The following BRCA2 variants were observed in gnomAD, a reference collection of about 807,000 sequenced individuals.
BRCA2 encodes the protein breast cancer type 2 susceptibility protein.
BRCA2 carries 203 observed loss-of-function variants against 276.7 expected under a neutral mutation model. The observed-to-expected ratio is 0.73, with a 90% CI of 0.65 to 0.82. BRCA2 has a LOEUF of 0.82. Ranked by LOEUF, BRCA2 falls within the 40% of genes least tolerant of loss-of-function variation. The pLI, the probability that BRCA2 is intolerant of heterozygous loss-of-function variation, is 0.00. For missense variants in BRCA2, 3,920 were observed against 3,915.0 expected (o/e 1.00, Z -0.03); for synonymous variants, 1,289 against 1,338.4 (o/e 0.96, Z 0.81).
At chr13:32,346,954 T>C in intron 13 of BRCA2, 58 bp downstream of exon 13, 1 of 1,322,956 alleles carries the variant, frequency 7.6e-7, no homozygotes, top group Non-Finnish European at 1.1e-6. Flanking sequence ...GTCTCGTTTT[T>C]ATAAATGAAC....
rs80358806 is a variant in BRCA2, at chr13:32,340,128, C to T, written c.5773C>T (p.Gln1925Ter). ...TTCACATAAGGTTTTTGCTGACATT[C>T]AGAGTGAAGAAATTTTACAACATAA... is the stretch of plus-strand genomic sequence containing the variant. ...THSHKVFADI[Q>*]SEEILQHNQN... The change falls in exon 11 of 27, where the codon CAG becomes TAG. Residue 1925 changes from glutamine to a stop codon, truncating the protein, a stop_gained. Transcript: ENST00000380152. LOFTEE classifies it high-confidence loss of function. 2 of 1,613,350 alleles carry T rather than the reference C, an allele frequency of 1.2e-6. No homozygotes were observed. The highest frequency in any genetic ancestry group is 8.5e-7 in the Non-Finnish European group (1 of 1,179,674).
At chr13:32,362,789 C>G (rs2072750180) in intron 17 of BRCA2, 96 bp downstream of exon 17, 8 of 1,371,748 alleles carry the variant, frequency 5.8e-6, no homozygotes, top group Admixed American at 3.5e-5. Context: ...TTGCACAAGC[C>G]AGTTGTCAGT....
At chr13:32,349,136 C>T (rs1013007744) in intron 13 of BRCA2, among the ~76,000 whole-genome samples, 5 of 150,878 alleles carry the variant, frequency 3.3e-5, no homozygotes, top group South Asian at 4.2e-4. Flanking sequence ...GCACAAGAAC[C>T]GCTTGAACCT....
At chr13:32,389,630 G>T (rs1173517902) in intron 24 of BRCA2, among the ~76,000 whole-genome samples, 1 of 152,192 alleles carries the variant, frequency 6.6e-6, no homozygotes, top group East Asian at 1.9e-4. Context: ...TTTTAGATGA[G>T]AAATCTGTCA....
intron 3 of BRCA2, among the ~76,000 whole-genome samples, 174 bp from the exon 4 acceptor site, chr13:32,324,902 C>T (rs1324211683): frequency 2.0e-5 from 3 of 152,174 alleles, no homozygotes; most frequent in African/African-American, 7.2e-5. Context: ...AGCCACTGTG[C>T]TCGGGGCATC....
Position 32,398,767 on chromosome 13 carries a change from C to G in BRCA2, c.10254C>G (p.Ile3418Met), listed in dbSNP as rs1566261647. 6.2e-7 allele frequency: 1 copy of G among 1,613,610 alleles called. No homozygotes were observed. Among genetic ancestry groups the G allele is most frequent in the South Asian group, 1.1e-5 (1 of 90,990 alleles). The change falls in exon 27 of 27, where the codon ATC becomes ATG. Residue 3418 changes from isoleucine (I) to methionine (M), a missense_variant. By Grantham distance (10) the Ile-to-Met change is conservative (BLOSUM62 1). Around this residue, in one of 2 missense-constraint regions of BRCA2, gnomAD observed 657 missense variants for 758.2 expected, o/e 0.87. Coordinates refer to ENST00000380152, the MANE Select transcript of BRCA2 (RefSeq NM_000059.4). ...KQDTITTKKY[I>M] ...ACACAATTACAACTAAAAAATATAT[C>G]TAAGCATTTGCAAAGGCGACAATAA... is the stretch of plus-strand genomic sequence containing the variant.
chr13:32,383,740 T>C lies in BRCA2; in HGVS notation c.9256+3595T>C, dbSNP rs11571784. Among the ~76,000 whole-genome samples, 535 of 152,064 alleles carry C rather than the reference T, an allele frequency of 3.5e-3. 2 individuals are homozygous for C. The highest frequency in any genetic ancestry group is 0.013 in the African/African-American group (522 of 41,480). ...TCAATGAACAGGAGATAAGAAAAGC[T>C]GATTGTAGGTCACGGTGGGTTTGAG... is the stretch of plus-strand genomic sequence containing the variant. On this transcript the variant is annotated intron_variant, in intron 24 of 26. Coordinates refer to ENST00000380152, the MANE Select transcript of BRCA2 (RefSeq NM_000059.4).
At position 32,398,447 on chromosome 13, in the gene BRCA2, A is replaced by G. The variant is rs80359254; in HGVS notation, c.9934A>G (p.Ile3312Val). 22 of 1,614,244 alleles carry G rather than the reference A, an allele frequency of 1.4e-5. No individual in the cohort carries two copies. Among genetic ancestry groups the G allele is most frequent in the East Asian group, 2.2e-5 (1 of 44,890 alleles). ...RSCGTKYETP[I>V]KKKELNSPQM... is the part of the protein sequence containing the mutation. The stretch of plus-strand genomic sequence containing the variant: ...TTGTGGCACCAAATACGAAACACCC[A>G]TAAAGAAAAAAGAACTGAATTCTCC... Residue 3312 changes from isoleucine (I) to valine (V), a missense_variant, in exon 27 of 27, where the codon ATA (isoleucine) becomes GTA (valine). Physicochemically the swap from Ile to Val is conservative, Grantham distance 29. Around this residue, in one of 2 missense-constraint regions of BRCA2, gnomAD observed 657 missense variants for 758.2 expected, o/e 0.87. Transcript: ENST00000380152.
rs11571587 is a variant in BRCA2 at position 32,319,168 on chromosome 13, AAAC to A, written c.165_167del (p.Asn56del). On this transcript the variant is annotated inframe_deletion, in exon 3 of 27. Coordinates refer to ENST00000380152, the MANE Select transcript of BRCA2 (RefSeq NM_000059.4). ...AACCTGCAGAAGAATCTGAACATAA[AAAC>A]AACAATTACGAACCAAACCTATTTA... is the stretch of plus-strand genomic sequence containing the variant. 2.2e-5 allele frequency: 36 copies of A among 1,614,004 alleles called. No homozygotes were observed. The highest frequency in any genetic ancestry group is 2.7e-5 in the African/African-American group (2 of 74,926).
In BRCA2 at chr13:32,338,130, A is replaced by C. The variant is rs587782071; in HGVS notation, c.3775A>C (p.Ser1259Arg). Reference sequence around the variant, plus strand: ...AACTTCTGCAGAGGTACATCCAATAAGTTTATCTTCAAGTAAATGTCATGA... The same window carrying C: ...AACTTCTGCAGAGGTACATCCAATACGTTTATCTTCAAGTAAATGTCATGA... ...EETSAEVHPI[S>R]LSSSKCHDSV... The change falls in exon 11 of 27, where the codon AGT (serine) becomes CGT (arginine). Residue 1259 changes from serine to arginine, a missense_variant. Physicochemically the swap from Ser to Arg is moderately radical, Grantham distance 110. Around this residue, in one of 2 missense-constraint regions of BRCA2, gnomAD observed 3,263 missense variants for 3,156.9 expected, o/e 1.03. Transcript: ENST00000380152. The C allele has an allele frequency of 6.2e-7, 1 of 1,606,142 alleles. No homozygotes were observed. The highest frequency in any genetic ancestry group is 8.5e-7 in the Non-Finnish European group (1 of 1,176,042).
chr13:32,362,837 C>T, intron 17 of BRCA2, 144 bp downstream of exon 17: 1 of 891,380 alleles, frequency 1.1e-6, no homozygotes, highest in South Asian at 1.5e-5. Context: ...TCCTGTCATC[C>T]CTAGCCCCCA....
chr13:32,399,647 A>G lies in BRCA2; in HGVS notation c.*877A>G, dbSNP rs910410813. 1.1e-5 allele frequency: 2 copies of G among 177,674 alleles called. No homozygotes were observed. The highest frequency in any genetic ancestry group is 4.7e-5 in the African/African-American group (2 of 42,294). 11.0% of individuals were successfully genotyped at this position (177,674 alleles called of 1,614,324 possible). A position where few individuals can be genotyped will look rare whatever the true frequency, so the allele number is the denominator to read the frequency against. On this transcript the variant is annotated 3_prime_UTR_variant, in exon 27 of 27. Coordinates refer to ENST00000380152, the MANE Select transcript of BRCA2 (RefSeq NM_000059.4). ...CATCCAAACTCAAACTTGAGAAAATATCTTGCTTTCAAATTGGCACTGATT... is the reference window on the plus strand; with the variant it reads ...CATCCAAACTCAAACTTGAGAAAATGTCTTGCTTTCAAATTGGCACTGATT...
chr13:32,391,375 G>C (rs998241842), intron 24 of BRCA2, among the ~76,000 whole-genome samples: 1 of 152,230 alleles, frequency 6.6e-6, no homozygotes, highest in African/African-American at 2.4e-5. Context: ...TGGCCCTTCA[G>C]AGTCTTGCTA....
rs552209201 is a variant in BRCA2 at position 32,349,322 on chromosome 13, C to A, written c.7007+2426C>A. Reference sequence around the variant, plus strand: ...ATCATTGAAGAAACTTACACACACACAAAAAAAAAACAAGGAAAATAGGAA... The same window carrying A: ...ATCATTGAAGAAACTTACACACACAAAAAAAAAAAACAAGGAAAATAGGAA... On this transcript the variant is annotated intron_variant, in intron 13 of 26. Transcript: ENST00000380152. Among the ~76,000 whole-genome samples, 162 of 143,204 alleles carry A rather than the reference C, an allele frequency of 1.1e-3. 1 individual carries two copies. The highest frequency in any genetic ancestry group is 5.9e-3 in the East Asian group (29 of 4,946). The allele number at this position is 143,204 out of a possible 152,430, so 93.9% of individuals were successfully genotyped here. A position where few individuals can be genotyped will look rare whatever the true frequency, so the allele number is the denominator to read the frequency against.
intron 18 of BRCA2, among the ~76,000 whole-genome samples, chr13:32,365,380 A>G (rs560230705): frequency 1.3e-5 from 2 of 151,414 alleles, no homozygotes; most frequent in South Asian, 4.2e-4. Flanking sequence ...CTTTATTTTT[A>G]TTTATTTATT....
intron 13 of BRCA2, among the ~76,000 whole-genome samples, chr13:32,349,557 G>A (rs80064876): frequency 6.3e-4 from 95 of 151,964 alleles, no homozygotes; most frequent in African/African-American, 2.1e-3. Flanking sequence ...AATACTCGCC[G>A]GGTACGGTGG....
In BRCA2 at chr13:32,338,772, A is replaced by T. The variant is rs80358675; in HGVS notation, c.4417A>T (p.Asn1473Tyr). Residue 1473 changes from asparagine (N) to tyrosine (Y), a missense_variant, in exon 11 of 27, where the codon AAC becomes TAC. Asn to Tyr is a moderately radical substitution (Grantham distance 143). Transcript: ENST00000380152. ...NSELHSDIRK[N>Y]KMDILSYEET... ...TGAATTACATTCTGACATAAGAAAG[A>T]ACAAAATGGACATTCTAAGTTATGA... The T allele has an allele frequency of 6.2e-7, 1 of 1,611,672 alleles. No homozygotes were observed.
At position 32,337,375 on chromosome 13, in the gene BRCA2, G is replaced by T. The variant is rs1566227648; in HGVS notation, c.3020G>T (p.Gly1007Val). 2 of 1,613,834 alleles carry T rather than the reference G, an allele frequency of 1.2e-6. No homozygotes were observed. Among genetic ancestry groups the T allele is most frequent in the Non-Finnish European group, 1.7e-6 (2 of 1,179,892 alleles). The change falls in exon 11 of 27, where the codon GGT becomes GTT. Residue 1007 changes from glycine (G) to valine (V), a missense_variant. Transcript: ENST00000380152. ...CCAATTTCAAATCACAGTTTTGGAGGTAGCTTCAGAACAGCTTCAAATAAG... is the reference window on the plus strand; with the variant it reads ...CCAATTTCAAATCACAGTTTTGGAGTTAGCTTCAGAACAGCTTCAAATAAG... ...LGPISNHSFGGSFRTASNKEI... is the reference protein window; with the variant it reads ...LGPISNHSFGVSFRTASNKEI...
At chr13:32,325,245 C>A (rs2137447399) in intron 4 of BRCA2, 61 bp downstream of exon 4, 3 of 1,248,808 alleles carry the variant, frequency 2.4e-6, no homozygotes, top group Non-Finnish European at 3.4e-6. Flanking sequence ...TATATTTGTT[C>A]TATAAAGATG....
Sources: gnomAD v4.1 joint callset for allele counts (sites outside exome capture counted in the v4.1 genomes callset) on GRCh38, gnomAD v4.1.1 for gene constraint, gnomAD v4.1.1 regional missense constraint, MANE v1.5 for transcripts, NCBI Gene and HGNC (gene_info 2026-07-23, HGNC 2026-07-21) for gene names.